The following TLE1 variants were observed in gnomAD, a reference collection of about 807,000 sequenced individuals.
The protein encoded by TLE1 is TLE family member 1, transcriptional corepressor, also known as transducin-like enhancer protein 1.
TLE1 carries 21 observed loss-of-function variants against 89.8 expected under a neutral mutation model. That is an observed-to-expected ratio of 0.23 (90% confidence interval 0.17 to 0.34). The LOEUF is 0.34. TLE1 is among the 10% of genes least tolerant of loss of function. TLE1 has a pLI of 1.00. For missense variants in TLE1, 795 were observed against 1,031.2 expected, an observed-to-expected ratio of 0.77 and a Z score of 3.14; for synonymous variants, 447 against 407.6, an observed-to-expected ratio of 1.10 and a Z score of -1.16.
In TLE1 at chr9:81,610,348, T is replaced by C. The variant is rs183020619; in HGVS notation, c.1255-52A>G. On this transcript the variant is annotated intron_variant, in intron 13 of 19. Coordinates refer to ENST00000376499, the MANE Select transcript of TLE1 (RefSeq NM_005077.5). ...ACTCAGTTTATTGCAGCAGGCACTT[T>C]GTGAACATCAATACTGTTCATTAGA... is the stretch of plus-strand genomic sequence containing the variant. 3.5e-3 allele frequency: 4,835 copies of C among 1,367,232 alleles called. 14 individuals are homozygous for C. The highest frequency in any genetic ancestry group is 3.7e-3 in the Non-Finnish European group (3,559 of 961,638). The allele number at this position is 1,367,232 out of a possible 1,614,324, so 84.7% of individuals were successfully genotyped here. A position where few individuals can be genotyped will look rare whatever the true frequency, so the allele number is the denominator to read the frequency against.
At chr9:81,662,361 T>TTGTTTGTGTG (rs1554694311) in intron 4 of TLE1, among the ~76,000 whole-genome samples, 3 of 138,360 alleles carry the variant, frequency 2.2e-5, no homozygotes, top group African/African-American at 5.5e-5. Flanking sequence ...TGTGCCTGTT[T>TTGTTTGTGTG]TGTGTGTGTG....
At chr9:81,609,512 C>T (rs370258718) in intron 14 of TLE1, among the ~76,000 whole-genome samples, 2 of 152,226 alleles carry the variant, frequency 1.3e-5, no homozygotes, top group East Asian at 1.9e-4. Flanking sequence ...CTTCTAATTA[C>T]TAACATTATG....
chr9:81,635,175 CG>C (rs1827214489), intron 6 of TLE1, among the ~76,000 whole-genome samples: 1 of 152,108 alleles, frequency 6.6e-6, no homozygotes, highest in African/African-American at 2.4e-5. Flanking sequence ...GGCTTGTGGC[CG>C]CTGGAAGAAA....
intron 11 of TLE1, 109 bp from the exon 12 acceptor site, chr9:81,613,630 G>A: frequency 7.8e-7 from 1 of 1,288,146 alleles, no homozygotes; most frequent in Non-Finnish European, 1.1e-6. Flanking sequence ...TACTCCCTCA[G>A]CCAATTTTCA....
Position 81,602,218 on chromosome 9 carries a change from G to C in TLE1, c.1331+8002C>G, listed in dbSNP as rs553593808. Among the ~76,000 whole-genome samples, 7 of 152,286 alleles carry C rather than the reference G, an allele frequency of 4.6e-5. No homozygotes were observed. In the South Asian group the frequency reaches 1.5e-3, roughly 32 times the overall value. On this transcript the variant is annotated intron_variant, in intron 14 of 19. Transcript: ENST00000376499. ...AGGGAACAGAGGCTCATCCCATTGT[G>C]TTAGCACAGGATGTAAAGCACACAG... is the stretch of plus-strand genomic sequence containing the variant.
intron 16 of TLE1, among the ~76,000 whole-genome samples, chr9:81,588,913 T>C (rs572235464): frequency 1.7e-3 from 265 of 152,312 alleles, no homozygotes; most frequent in Non-Finnish European, 3.4e-3. Context: ...TAACCTGAGC[T>C]TGGATTTTAA....
chr9:81,630,888 T>G (rs1304717592), intron 8 of TLE1, among the ~76,000 whole-genome samples: 2 of 152,248 alleles, frequency 1.3e-5, no homozygotes, highest in Non-Finnish European at 2.9e-5. Context: ...ATCCCACTAA[T>G]GTGGACAGTG....
At chr9:81,650,431 A>G (rs1197714616) in intron 6 of TLE1, among the ~76,000 whole-genome samples, 1 of 152,214 alleles carries the variant, frequency 6.6e-6, no homozygotes, top group Non-Finnish European at 1.5e-5. Flanking sequence ...ACTGCTTTGC[A>G]TATGTTTTCT....
intron 8 of TLE1, among the ~76,000 whole-genome samples, chr9:81,625,911 T>TTAAAAAAA (rs1491491955): frequency 3.4e-5 from 3 of 87,846 alleles, no homozygotes; most frequent in Admixed American, 2.4e-4. Flanking sequence ...CAGAAACTAC[T>TTAAAAAAA]AAAAAAAAAA....
chr9:81,600,098 T>TG, intron 14 of TLE1: 1 of 746,044 alleles, frequency 1.3e-6, no homozygotes, highest in Non-Finnish European at 2.5e-6. Context: ...CTCAATGTGC[T>TG]GGGGCAGGAA....
chr9:81,617,808 G>C (rs113709993), intron 9 of TLE1, among the ~76,000 whole-genome samples: 170 of 152,176 alleles, frequency 1.1e-3, no homozygotes, highest in African/African-American at 3.9e-3. Flanking sequence ...GGTGGATCAC[G>C]AGGTCAGGAG....
intron 5 of TLE1, among the ~76,000 whole-genome samples, chr9:81,652,560 A>G (rs1312706791): frequency 6.6e-6 from 1 of 152,228 alleles, no homozygotes; most frequent in African/African-American, 2.4e-5. Flanking sequence ...GACATAAAGA[A>G]TGATAACATA....
chr9:81,619,884 T>C (rs1460564067), intron 9 of TLE1, among the ~76,000 whole-genome samples: 1 of 152,206 alleles, frequency 6.6e-6, no homozygotes, highest in Non-Finnish European at 1.5e-5. Flanking sequence ...GTTTCTTCCA[T>C]TTTGACCATG....
chr9:81,644,844 A>G (rs1828623030), intron 6 of TLE1, among the ~76,000 whole-genome samples: 1 of 150,834 alleles, frequency 6.6e-6, no homozygotes, highest in African/African-American at 2.4e-5. Flanking sequence ...AAATGCAAAA[A>G]TTAGCCAGGC....
chr9:81,605,263 C>A (rs1587929841), intron 14 of TLE1, among the ~76,000 whole-genome samples: 1 of 152,186 alleles, frequency 6.6e-6, no homozygotes, highest in South Asian at 2.1e-4. Flanking sequence ...GTGTGGTCAG[C>A]AAACACTGGC....
chr9:81,639,588 GT>G (rs374444332), intron 6 of TLE1, among the ~76,000 whole-genome samples: 49 of 123,476 alleles, frequency 4.0e-4, no homozygotes, highest in South Asian at 5.2e-4. Flanking sequence ...TTTTTTTTTT[GT>G]TTTTTTTTTT....
chr9:81,628,275 T>A (rs978333041), intron 8 of TLE1, among the ~76,000 whole-genome samples: 1 of 152,016 alleles, frequency 6.6e-6, no homozygotes, highest in Admixed American at 6.6e-5. Flanking sequence ...ACTATCACCA[T>A]TTATAGATGG....
intron 4 of TLE1, among the ~76,000 whole-genome samples, chr9:81,664,284 G>A (rs1831187561): frequency 6.6e-6 from 1 of 151,216 alleles, no homozygotes; most frequent in Non-Finnish European, 1.5e-5. Flanking sequence ...AGGGATACAT[G>A]AATAAAAACT....
In TLE1 at chr9:81,587,940, G is replaced by GTGTGTGTGTGTGTGTGTGTA. The variant is rs1828822847; in HGVS notation, c.1830-113_1830-112insTACACACACACACACACACA. On this transcript the variant is annotated intron_variant, in intron 16 of 19. Coordinates refer to ENST00000376499, the MANE Select transcript of TLE1 (RefSeq NM_005077.5). ...TGTGTGTGTGTGTGTGTGTGTGTGT[G>GTGTGTGTGTGTGTGTGTGTA]TGTGTGATCCCGCCAGTGTCTGCTG... is the stretch of plus-strand genomic sequence containing the variant. 3.2e-6 allele frequency: 4 copies of GTGTGTGTGTGTGTGTGTGTA among 1,231,006 alleles called. No individual in the cohort carries two copies. In the Admixed American group the frequency reaches 9.6e-5, roughly 29 times the overall value. The allele number at this position is 1,231,006 out of a possible 1,614,324, so 76.3% of individuals were successfully genotyped here.
Sources: gnomAD v4.1 joint callset for allele counts (sites outside exome capture counted in the v4.1 genomes callset) on GRCh38, gnomAD v4.1.1 for gene constraint, MANE v1.5 for transcripts, NCBI Gene and HGNC (gene_info 2026-07-23, HGNC 2026-07-21) for gene names.